The following RPA3 variants were observed in gnomAD, a reference collection of about 807,000 sequenced individuals.
RPA3 encodes the protein replication protein A3.
RPA3 carries 24 observed loss-of-function variants against 13.7 expected under a neutral mutation model. The observed-to-expected ratio is 1.75, with a 90% CI of 1.27 to 2.46. The LOEUF (loss-of-function observed/expected upper bound fraction) is 2.46, where lower values mean the gene tolerates loss of function less well. Among genes scored for constraint, RPA3 ranks in the 30% most tolerant of loss-of-function variants. The pLI, the probability that RPA3 is intolerant of heterozygous loss-of-function variation, is 0.00. For missense variants in RPA3, 183 were observed against 151.0 expected, an observed-to-expected ratio of 1.21 and a Z score of -1.11; for synonymous variants, 59 against 51.2, an observed-to-expected ratio of 1.15 and a Z score of -0.65.
chr7:7,639,175 C>T (rs373090766), intron 5 of RPA3, 31 bp from the exon 6 acceptor site: 1 of 1,561,166 alleles, frequency 6.4e-7, no homozygotes, highest in Non-Finnish European at 8.8e-7. Context: ...TAAAATCTCA[C>T]TAAAACAACA....
At chr7:7,693,952 G>C (rs1780241965) in intron 2 of RPA3, among the ~76,000 whole-genome samples, 1 of 152,050 alleles carries the variant, frequency 6.6e-6, no homozygotes, top group South Asian at 2.1e-4. Flanking sequence ...TGAGGACTGA[G>C]ATCTCTCTTT....
intron 4 of RPA3, among the ~76,000 whole-genome samples, chr7:7,681,921 A>T (rs1779922447): frequency 6.6e-6 from 1 of 152,214 alleles, no homozygotes; most frequent in Admixed American, 6.5e-5. Flanking sequence ...AGCATGAATT[A>T]GCTTATTATG....
chr7:7,676,734 T>C (rs956363753), intron 4 of RPA3, among the ~76,000 whole-genome samples: 2 of 152,174 alleles, frequency 1.3e-5, no homozygotes, highest in Non-Finnish European at 2.9e-5. Flanking sequence ...AGAAAACTCC[T>C]TGATGAAGTT....
chr7:7,714,330 C>T (rs1177706493), intron 2 of RPA3, among the ~76,000 whole-genome samples: 1 of 152,168 alleles, frequency 6.6e-6, no homozygotes, highest in African/African-American at 2.4e-5. Flanking sequence ...TTTGGCTGCT[C>T]CAGCAGAGTG....
At chr7:7,694,677 A>G (rs993827475) in intron 2 of RPA3, among the ~76,000 whole-genome samples, 6 of 152,148 alleles carry the variant, frequency 3.9e-5, no homozygotes, top group African/African-American at 1.2e-4. Context: ...ACTTAACATA[A>G]TATCTTTTTT....
At chr7:7,692,050 TG>T (rs1780184738) in intron 2 of RPA3, among the ~76,000 whole-genome samples, 1 of 152,232 alleles carries the variant, frequency 6.6e-6, no homozygotes, top group Admixed American at 6.5e-5. Flanking sequence ...TACAGTATGT[TG>T]ATAACTGCAG....
intron 2 of RPA3, among the ~76,000 whole-genome samples, chr7:7,698,507 G>C (rs1780371410): frequency 2.6e-5 from 4 of 152,154 alleles, no homozygotes. Context: ...AAATGTGTTT[G>C]AGGTTGAATC....
intron 4 of RPA3, among the ~76,000 whole-genome samples, chr7:7,646,505 T>A (rs945497183): frequency 2.2e-5 from 3 of 136,880 alleles, no homozygotes. Context: ...TTTTTTTTTT[T>A]AATTCTCTCG....
chr7:7,648,912 A>G (rs12669683), intron 4 of RPA3, among the ~76,000 whole-genome samples: 46,607 of 151,746 alleles, frequency 0.31, 9,091 homozygotes, highest in East Asian at 0.8. Flanking sequence ...TAATCCCAGC[A>G]CTTTGGGAGG....
chr7:7,649,158 C>CAAAAAAAAAAAAAAAAAAAAAA (rs34943326), intron 4 of RPA3, among the ~76,000 whole-genome samples: 6 of 128,866 alleles, frequency 4.7e-5, no homozygotes, highest in Admixed American at 8.4e-5. Context: ...GACTCCATCT[C>CAAAAAAAAAAAAAAAAAAAAAA]AAAAAAAAAA....
At position 7,658,773 on chromosome 7, in the gene RPA3, T is replaced by A. The variant is rs147824591; in HGVS notation, c.-757-17598A>T. Among the ~76,000 whole-genome samples, 1,366 of 152,316 alleles carry A rather than the reference T, an allele frequency of 9.0e-3. 6 individuals carry two copies. The highest frequency in any genetic ancestry group is 0.013 in the Non-Finnish European group (901 of 68,030). ...TCAGGAATGTTGGCCTGAAATTTTC[T>A]TTTTTTGTTGTATCTCTGCCTGGTG... is the stretch of plus-strand genomic sequence containing the variant. On this transcript the variant is annotated intron_variant, in intron 4 of 7. Transcript: ENST00000223129.
intron 4 of RPA3, among the ~76,000 whole-genome samples, chr7:7,663,841 C>T (rs1012996): frequency 0.65 from 99,196 of 152,012 alleles, 32,606 homozygotes; most frequent in East Asian, 0.87. Flanking sequence ...TTTTATACAA[C>T]TGATCTCCTA....
intron 4 of RPA3, among the ~76,000 whole-genome samples, chr7:7,668,681 A>T (rs981505090): frequency 1.3e-5 from 2 of 152,236 alleles, no homozygotes; most frequent in African/African-American, 2.4e-5. Context: ...TCCTAAAAAC[A>T]TCACCAACTT....
At chr7:7,700,784 A>C (rs1307474202) in intron 2 of RPA3, among the ~76,000 whole-genome samples, 1 of 152,156 alleles carries the variant, frequency 6.6e-6, no homozygotes, top group Non-Finnish European at 1.5e-5. Flanking sequence ...GCTACTCGGG[A>C]GGCTGAGGCA....
At chr7:7,695,103 T>G (rs1480246811) in intron 2 of RPA3, among the ~76,000 whole-genome samples, 3 of 152,218 alleles carry the variant, frequency 2.0e-5, no homozygotes, top group Admixed American at 2.0e-4. Context: ...GATGATATCT[T>G]GTTGTAATTA....
chr7:7,703,120 A>G (rs1780504815), intron 2 of RPA3, among the ~76,000 whole-genome samples: 1 of 152,208 alleles, frequency 6.6e-6, no homozygotes, highest in Admixed American at 6.5e-5. Context: ...GACTCTTCAT[A>G]TAATTGAATA....
At position 7,706,846 on chromosome 7, in the gene RPA3, G is replaced by A. The variant is rs139710726; in HGVS notation, c.-1028+8329C>T. On this transcript the variant is annotated intron_variant, in intron 2 of 7. Transcript: ENST00000223129. ...TTGGTTTTGTTATTTTTTGGATAGAGCATCTTGACTTACTTAGATTTAAAA... is the reference window on the plus strand; with the variant it reads ...TTGGTTTTGTTATTTTTTGGATAGAACATCTTGACTTACTTAGATTTAAAA... Among the ~76,000 whole-genome samples the A allele has an allele frequency of 1.7e-4, 26 of 152,202 alleles. No individual in the cohort carries two copies. In the East Asian group the frequency reaches 4.8e-3, roughly 28 times the overall value.
intron 4 of RPA3, chr7:7,641,490 G>A (rs918061256): frequency 1.3e-5 from 2 of 152,234 alleles, no homozygotes; most frequent in Admixed American, 1.3e-4. Flanking sequence ...TTGGCCATAT[G>A]TTTGACTCAA....
chr7:7,649,520 C>T (rs9791506), intron 4 of RPA3, among the ~76,000 whole-genome samples: 101,009 of 151,822 alleles, frequency 0.67, 34,070 homozygotes, highest in East Asian at 0.88. Context: ...ATTCAAACCA[C>T]AGCAGGATTA....
Sources: gnomAD v4.1 joint callset for allele counts (sites outside exome capture counted in the v4.1 genomes callset) on GRCh38, gnomAD v4.1.1 for gene constraint, MANE v1.5 for transcripts, NCBI Gene and HGNC (gene_info 2026-07-23, HGNC 2026-07-21) for gene names.